The following SCN8A variants were observed in gnomAD, a reference collection of about 807,000 sequenced individuals.
SCN8A encodes sodium channel protein type 8 subunit alpha.
In SCN8A, 30 loss-of-function variants were observed where a neutral mutation model predicts 184.1. That is an observed-to-expected ratio of 0.16 (90% CI 0.12 to 0.22). The LOEUF (loss-of-function observed/expected upper bound fraction) is 0.22. Among genes scored for constraint, SCN8A ranks in the 10% least tolerant of loss-of-function variants. The pLI is 1.00. For missense variants in SCN8A, 1,057 were observed against 2,498.9 expected, an observed-to-expected ratio of 0.42 and a Z score of 12.30; for synonymous variants, 852 against 907.0, an observed-to-expected ratio of 0.94 and a Z score of 1.09.
chr12:51,806,916 C>A lies in SCN8A; in HGVS notation c.5430C>A (p.Asp1810Glu), dbSNP rs1295392795. Residue 1810 changes from aspartate to glutamate, a missense_variant, in exon 27 of 27, where the codon GAC (aspartate) becomes GAA (glutamate). By Grantham distance (45) the Asp-to-Glu change is conservative. Around this residue, in one of 19 missense-constraint regions of SCN8A, gnomAD observed 50 missense variants for 125.8 expected, o/e 0.40. Coordinates refer to ENST00000627620, the MANE Select transcript of SCN8A (RefSeq NM_001330260.2). The surrounding 1 kb of genome is among the most constrained non-coding windows in gnomAD (Gnocchi z 8.7). ...TQFIEYCKLA[D>E]FADALEHPLR... ...TCATTGAGTACTGTAAGCTGGCAGA[C>A]TTTGCAGATGCCTTGGAGCATCCTC... 1 of 1,613,278 alleles carries A rather than the reference C, an allele frequency of 6.2e-7. No individual in the cohort carries two copies.
At chr12:51,758,735 G>A (rs1592146348) in intron 14 of SCN8A, among the ~76,000 whole-genome samples, 1 of 152,186 alleles carries the variant, frequency 6.6e-6, no homozygotes, top group African/African-American at 2.4e-5. Flanking sequence ...ACCGTGCCTG[G>A]CCTCATGTCT....
At chr12:51,677,520 G>T (rs947598079) in intron 2 of SCN8A, among the ~76,000 whole-genome samples, 4 of 152,066 alleles carry the variant, frequency 2.6e-5, no homozygotes, top group Non-Finnish European at 5.9e-5. Context: ...TTTTGCATTT[G>T]CAGTATGCTA....
rs534116834 is a variant in SCN8A, at chr12:51,651,889, C to T, written c.-54-10875C>T. Among the ~76,000 whole-genome samples the T allele has an allele frequency of 2.0e-4, 30 of 152,310 alleles. No homozygotes were observed. In the South Asian group the frequency reaches 6.2e-3, roughly 32 times the overall value. On this transcript the variant is annotated intron_variant, in intron 1 of 26. Coordinates refer to ENST00000627620, the MANE Select transcript of SCN8A (RefSeq NM_001330260.2). Reference sequence around the variant, plus strand: ...AGCAGCTGACATGGGTCTTCTGCTACTACTTAATTAATTATAAAGAAACTA... The same window carrying T: ...AGCAGCTGACATGGGTCTTCTGCTATTACTTAATTAATTATAAAGAAACTA...
chr12:51,704,670 C>CAAAA (rs34946747), intron 9 of SCN8A, among the ~76,000 whole-genome samples: 1 of 93,114 alleles, frequency 1.1e-5, no homozygotes, highest in Non-Finnish European at 2.0e-5. Flanking sequence ...ACTCCACCTA[C>CAAAA]AAAAAAAAAA....
At chr12:51,789,169 C>T in intron 23 of SCN8A, 112 bp from the exon 24 acceptor site, 2 of 1,156,732 alleles carry the variant, frequency 1.7e-6, no homozygotes, top group Non-Finnish European at 2.5e-6. Context: ...TAGGGCTCTC[C>T]CACCCCAAGA....
chr12:51,606,898 T>A (rs1939605732), intron 1 of SCN8A, among the ~76,000 whole-genome samples: 1 of 151,320 alleles, frequency 6.6e-6, no homozygotes. Context: ...ATATATTTAT[T>A]TATTTATTTT....
At chr12:51,606,633 G>A (rs757094622) in intron 1 of SCN8A, among the ~76,000 whole-genome samples, 8 of 152,000 alleles carry the variant, frequency 5.3e-5, no homozygotes, top group Non-Finnish European at 1.0e-4. Flanking sequence ...GAGTGATGGT[G>A]GCATTTTTGT....
Position 51,662,881 on chromosome 12 carries a change from C to T in SCN8A, c.64C>T (p.Leu22=). ...TTTCAAGCCTTTCACCCCTGAGTCA[C>T]TGGCAAACATTGAGAGGCGCATTGC... ...DSFKPFTPES[L]ANIERRIAES... The change falls in exon 2 of 27, where the codon CTG becomes TTG. Residue 22 remains leucine (L), a synonymous_variant. Coordinates refer to ENST00000627620, the MANE Select transcript of SCN8A (RefSeq NM_001330260.2). 6.2e-7 allele frequency: 1 copy of T among 1,614,016 alleles called. No individual in the cohort carries two copies. The highest frequency in any genetic ancestry group is 8.5e-7 in the Non-Finnish European group (1 of 1,179,892).
At chr12:51,770,889 C>A (rs1296372727) in intron 19 of SCN8A, among the ~76,000 whole-genome samples, 2 of 151,992 alleles carry the variant, frequency 1.3e-5, no homozygotes, top group Admixed American at 6.6e-5. Flanking sequence ...ATCCTCTTAG[C>A]ACTGTCCCTC....
chr12:51,789,557 A>C (rs1002179377), intron 24 of SCN8A, 139 bp downstream of exon 24: 1 of 972,088 alleles, frequency 1.0e-6, no homozygotes, highest in African/African-American at 1.6e-5. Flanking sequence ...CCTGGCCCCC[A>C]TACGTTAGCC....
intron 13 of SCN8A, among the ~76,000 whole-genome samples, chr12:51,748,303 C>T (rs144069256): frequency 6.6e-6 from 1 of 152,132 alleles, no homozygotes; most frequent in African/African-American, 2.4e-5. Flanking sequence ...AGGCAGGCTA[C>T]GACTTACCTA....
chr12:51,732,472 G>C (rs1265802985), intron 12 of SCN8A, among the ~76,000 whole-genome samples: 1 of 152,142 alleles, frequency 6.6e-6, no homozygotes, highest in Non-Finnish European at 1.5e-5. Flanking sequence ...GGTTACTATA[G>C]CTCCGTTGTA....
At chr12:51,690,440 C>T (rs1014453141) in intron 6 of SCN8A, among the ~76,000 whole-genome samples, 6 of 152,128 alleles carry the variant, frequency 3.9e-5, no homozygotes, top group African/African-American at 1.4e-4. Flanking sequence ...GCAGCCTTGA[C>T]TTCCAGGGCC....
At chr12:51,667,815 A>G (rs1000302311) in intron 2 of SCN8A, among the ~76,000 whole-genome samples, 1 of 152,166 alleles carries the variant, frequency 6.6e-6, no homozygotes, top group African/African-American at 2.4e-5. Context: ...CCGTGTTACA[A>G]TCATATAAAC....
intron 1 of SCN8A, among the ~76,000 whole-genome samples, chr12:51,648,871 C>T (rs1439228788): frequency 6.6e-6 from 1 of 152,110 alleles, no homozygotes; most frequent in Non-Finnish European, 1.5e-5. Flanking sequence ...CCAACAGTCC[C>T]CCAAAGTCTT....
chr12:51,729,319 CTCT>C (rs1340823613), intron 12 of SCN8A, among the ~76,000 whole-genome samples: 2 of 152,150 alleles, frequency 1.3e-5, no homozygotes, highest in Non-Finnish European at 2.9e-5. Flanking sequence ...CTAAAAAGTA[CTCT>C]CCTACCCGTT....
rs1284849856 is a variant in SCN8A, at chr12:51,735,683, C to T, written c.1999-10220C>T. Among the ~76,000 whole-genome samples, 13 of 152,264 alleles carry T rather than the reference C, an allele frequency of 8.5e-5. No individual in the cohort carries two copies. The East Asian group carries it at 1.9e-3, about 23-fold the overall frequency. On this transcript the variant is annotated intron_variant, in intron 12 of 26. Transcript: ENST00000627620. ...TCCCCAGGTGGGTGGCTGTGGTTGACGGGTGTTGCTCGTAACTGTTGGGGT... is the reference window on the plus strand; with the variant it reads ...TCCCCAGGTGGGTGGCTGTGGTTGATGGGTGTTGCTCGTAACTGTTGGGGT...
chr12:51,810,291 C>A lies in SCN8A; in HGVS notation c.*2862C>A. 1 of 268,194 alleles carries A rather than the reference C, an allele frequency of 3.7e-6. No homozygotes were observed. The highest frequency in any genetic ancestry group is 2.9e-5 in the South Asian group (1 of 34,858). 16.6% of individuals were successfully genotyped at this position (268,194 alleles called of 1,614,324 possible). On this transcript the variant is annotated 3_prime_UTR_variant, in exon 27 of 27. Coordinates refer to ENST00000627620, the MANE Select transcript of SCN8A (RefSeq NM_001330260.2). ...GTTTCCCACCTTTTTATCCTTCACC[C>A]ACTGTCCTTCCACCTGCTCACTCAC...
At chr12:51,655,230 GCCCCTCCTAGAT>G (rs1027814533) in intron 1 of SCN8A, among the ~76,000 whole-genome samples, 2 of 152,096 alleles carry the variant, frequency 1.3e-5, no homozygotes, top group African/African-American at 2.4e-5. Flanking sequence ...TGCTTTAACA[GCCCCTCCTAGAT>G]GACTTCTCTT....
Sources: gnomAD v4.1 joint callset for allele counts (sites outside exome capture counted in the v4.1 genomes callset) on GRCh38, gnomAD v4.1.1 for gene constraint, gnomAD v4.1.1 regional missense constraint, Gnocchi (gnomAD v3.1) non-coding constraint, MANE v1.5 for transcripts, NCBI Gene and HGNC (gene_info 2026-07-23, HGNC 2026-07-21) for gene names.